Variants in EI24 observed in about 807,000 individuals in gnomAD.
EI24 encodes EI24 autophagy associated transmembrane protein.
A neutral mutation model predicts 48.6 loss-of-function variants in EI24; 21 were observed. The ratio of observed to expected loss-of-function variants is 0.43; its 90% CI spans 0.31 to 0.62. EI24 has a LOEUF of 0.62. Among genes scored for constraint, EI24 ranks in the 20% least tolerant of loss-of-function variants. EI24 has a pLI of 0.10. For synonymous variants in EI24, 114 were observed against 145.5 expected (o/e 0.78, Z 1.56); for missense variants, 280 against 410.5 (o/e 0.68, Z 2.75).
At chr11:125,580,041 G>T in intron 7 of EI24, 52 bp from the exon 8 acceptor site, 6 of 1,377,008 alleles carry the variant, frequency 4.4e-6, no homozygotes, top group Non-Finnish European at 6.2e-6. Context: ...CAGGTGAATG[G>T]TGCTAGGTTT....
At chr11:125,576,223 T>C (rs1938743344) in intron 3 of EI24, 32 bp from the exon 4 acceptor site, 1 of 1,601,894 alleles carries the variant, frequency 6.2e-7, no homozygotes, top group Non-Finnish European at 8.5e-7. Context: ...TAACTTATGC[T>C]TTATAAACTA....
intron 1 of EI24, chr11:125,570,364 T>A (rs1938490405): frequency 6.6e-6 from 1 of 152,250 alleles, no homozygotes; most frequent in Non-Finnish European, 1.5e-5. Context: ...TCAGTCTGTG[T>A]GTGTGTTCTC....
Position 125,584,493 on chromosome 11 carries a change from G to A in EI24, c.*810G>A, listed in dbSNP as rs1233963172. On this transcript the variant is annotated 3_prime_UTR_variant, in exon 11 of 11. Transcript: ENST00000278903. The stretch of plus-strand genomic sequence containing the variant: ...GGCAGCGGGCAGAAATTTACTGTTG[G>A]CCACTGCCAGGTCTATTTCATATTT... The A allele has an allele frequency of 3.3e-5, 5 of 152,558 alleles. No individual in the cohort carries two copies. Among genetic ancestry groups the A allele is most frequent in the African/African-American group, 1.2e-4 (5 of 41,420 alleles). 9.5% of individuals were successfully genotyped at this position (152,558 alleles called of 1,614,324 possible).
chr11:125,575,149 C>T (rs1420099691), intron 2 of EI24, 114 bp from the exon 3 acceptor site: 7 of 937,832 alleles, frequency 7.5e-6, no homozygotes, highest in African/African-American at 1.7e-5. Context: ...ATCATTTGAA[C>T]CCAGGAGTTG....
intron 10 of EI24, 130 bp downstream of exon 10, chr11:125,582,550 A>G: frequency 2.9e-6 from 2 of 685,198 alleles, no homozygotes; most frequent in Non-Finnish European, 4.6e-6. Context: ...GTTTAATGAG[A>G]GAGAAACACT....
At chr11:125,581,373 G>A (rs1477940678) in intron 9 of EI24, 51 bp downstream of exon 9, 3 of 1,239,220 alleles carry the variant, frequency 2.4e-6, no homozygotes, top group Non-Finnish European at 3.5e-6. Context: ...AAAAATTCAT[G>A]AAGTCAGTGC....
intron 1 of EI24, among the ~76,000 whole-genome samples, chr11:125,570,881 A>C (rs1484563982): frequency 6.6e-6 from 1 of 152,096 alleles, no homozygotes; most frequent in Non-Finnish European, 1.5e-5. Context: ...AGCTGCCCTC[A>C]CCTCAACCCT....
intron 9 of EI24, 36 bp from the exon 10 acceptor site, chr11:125,582,310 G>A (rs1939044461): frequency 6.7e-7 from 1 of 1,488,276 alleles, no homozygotes; most frequent in Non-Finnish European, 9.0e-7. Context: ...CTGTTATGAA[G>A]GTGACTAATT....
Position 125,584,328 on chromosome 11 carries a change from T to C in EI24, c.*645T>C, listed in dbSNP as rs570000716. On this transcript the variant is annotated 3_prime_UTR_variant, in exon 11 of 11. Transcript: ENST00000278903. ...ATCTGCTGGGTTTTGAGGAGTGATT[T>C]TCTTTCTTCCCCTTGAAGGGGAAAA... 6.6e-6 allele frequency: 1 copy of C among 151,952 alleles called. No individual in the cohort carries two copies. The highest frequency in any genetic ancestry group is 2.4e-5 in the African/African-American group (1 of 41,242). The allele number at this position is 151,952 out of a possible 1,614,324, so 9.4% of individuals were successfully genotyped here. A position where few individuals can be genotyped will look rare whatever the true frequency, so the allele number is the denominator to read the frequency against.
intron 5 of EI24, 148 bp from the exon 6 acceptor site, chr11:125,577,985 A>T: frequency 1.2e-6 from 1 of 867,604 alleles, no homozygotes. Flanking sequence ...ATTATGAGTT[A>T]GACTCTTTGA....
At chr11:125,573,496 C>T (rs1168168535) in intron 2 of EI24, 6 of 369,122 alleles carry the variant, frequency 1.6e-5, no homozygotes, top group African/African-American at 2.1e-5. Flanking sequence ...GTAATCTCAG[C>T]ACTTTGGGAG....
At chr11:125,575,847 G>A in intron 3 of EI24, 1 of 375,038 alleles carries the variant, frequency 2.7e-6, no homozygotes, top group Non-Finnish European at 5.4e-6. Flanking sequence ...AGATTGCCGT[G>A]GTGCAATCTC....
chr11:125,580,176 C>CT lies in EI24; in HGVS notation c.646dup (p.Cys216LeufsTer3). ...ATATGTCCCTTCTCTACTCACTGTA[C>CT]TGCTTTGAATATCGTTGGTTCAATA... On this transcript the variant is annotated frameshift_variant, in exon 8 of 11. Transcript: ENST00000278903. LOFTEE classifies it high-confidence loss of function. The CT allele has an allele frequency of 6.2e-7, 1 of 1,613,268 alleles. No homozygotes were observed. Among genetic ancestry groups the CT allele is most frequent in the Non-Finnish European group, 8.5e-7 (1 of 1,179,252 alleles).
rs33956827 is a variant in EI24 at position 125,581,537 on chromosome 11, C to CTTTTTTTTTT, written c.785+233_785+242dup. On this transcript the variant is annotated intron_variant, in intron 9 of 10. Transcript: ENST00000278903. ...TATGTTGCCTCCTGAAGCAATTATT[C>CTTTTTTTTTT]TTTTTTTTTTTTTTTTTTTTTTTTT... Among the ~76,000 whole-genome samples the CTTTTTTTTTT allele has an allele frequency of 3.3e-4, 17 of 50,748 alleles. 2 individuals carry two copies. Among genetic ancestry groups the CTTTTTTTTTT allele is most frequent in the African/African-American group, 8.4e-4 (10 of 11,942 alleles). 33.3% of individuals were successfully genotyped at this position (50,748 alleles called of 152,430 possible).
chr11:125,579,092 T>A, intron 7 of EI24, 24 bp downstream of exon 7: 1 of 1,545,156 alleles, frequency 6.5e-7, no homozygotes, highest in African/African-American at 1.4e-5. Flanking sequence ...TCTGGGCATA[T>A]GGGCAGCTTT....
At chr11:125,575,613 T>C (rs949087406) in intron 3 of EI24, among the ~76,000 whole-genome samples, 1 of 152,206 alleles carries the variant, frequency 6.6e-6, no homozygotes, top group African/African-American at 2.4e-5. Context: ...GAAAGCTGAA[T>C]AGAGAATCGC....
chr11:125,571,263 T>G (rs1938524178), intron 1 of EI24, among the ~76,000 whole-genome samples: 1 of 152,256 alleles, frequency 6.6e-6, no homozygotes, highest in Admixed American at 6.5e-5. Context: ...CTGAGAATAC[T>G]GCAACTTGAT....
At chr11:125,576,416 C>A in intron 4 of EI24, 101 bp downstream of exon 4, 1 of 1,044,850 alleles carries the variant, frequency 9.6e-7, no homozygotes, top group Non-Finnish European at 1.5e-6. Context: ...AAATAGTTTT[C>A]ATCTGCTGAT....
intron 2 of EI24, 27 bp downstream of exon 2, chr11:125,572,596 C>T: frequency 6.3e-7 from 1 of 1,580,406 alleles, no homozygotes; most frequent in Non-Finnish European, 8.6e-7. Context: ...TATAGGAATT[C>T]ATCTCTCGGC....
Sources: allele counts gnomAD v4.1 joint callset (sites outside exome capture counted in the v4.1 genomes callset), GRCh38; gene constraint gnomAD v4.1.1; transcripts MANE v1.5; gene names NCBI Gene and HGNC (gene_info 2026-07-23, HGNC 2026-07-21).